Variants in RUNX1 observed in about 807,000 individuals in gnomAD.
RUNX1 encodes runt-related transcription factor 1.
RUNX1 carries 19 observed loss-of-function variants against 42.8 expected under a neutral mutation model. The ratio of observed to expected loss-of-function variants is 0.44; its 90% CI spans 0.31 to 0.65. The LOEUF is 0.65. Ranked by LOEUF, RUNX1 falls within the 30% of genes least tolerant of loss-of-function variation. The probability of loss-of-function intolerance (pLI) is 0.07; values close to 1 mark genes in which losing one functional copy is unlikely to be tolerated. For missense variants in RUNX1, 528 were observed against 672.0 expected, an observed-to-expected ratio of 0.79 and a Z score of 2.37; for synonymous variants, 271 against 289.4, an observed-to-expected ratio of 0.94 and a Z score of 0.64.
At chr21:34,848,591 T>C (rs979600370) in intron 6 of RUNX1, among the ~76,000 whole-genome samples, 7 of 152,110 alleles carry the variant, frequency 4.6e-5, no homozygotes, top group African/African-American at 1.7e-4. Flanking sequence ...CCTGCCACCA[T>C]GCCCGGCTAA....
chr21:34,987,567 G>A (rs1357433660), intron 2 of RUNX1, among the ~76,000 whole-genome samples: 5 of 152,144 alleles, frequency 3.3e-5, no homozygotes, highest in Admixed American at 1.3e-4. Context: ...TCCTTTTCAC[G>A]CAGGCATGAG....
chr21:34,936,863 T>C (rs1487349911), intron 2 of RUNX1, among the ~76,000 whole-genome samples: 3 of 152,196 alleles, frequency 2.0e-5, no homozygotes, highest in East Asian at 1.9e-4. Flanking sequence ...AGAATTCTTT[T>C]TTTTTCTTCC....
chr21:34,893,059 A>G (rs1466777897), intron 2 of RUNX1, 96 bp from the exon 3 acceptor site: 8 of 733,550 alleles, frequency 1.1e-5, no homozygotes, highest in East Asian at 2.6e-5. Context: ...TTCTTCTTAC[A>G]CTTTTTAGCA....
Position 35,046,007 on chromosome 21 carries a change from C to T in RUNX1, c.58+2835G>A, listed in dbSNP as rs537034321. Among the ~76,000 whole-genome samples, 5 of 152,300 alleles carry T rather than the reference C, an allele frequency of 3.3e-5. No individual in the cohort carries two copies. In the South Asian group the frequency reaches 6.2e-4, roughly 19 times the overall value. ...CTGAGCCATTTTGCAAAAATATGTA[C>T]GTGCCGAGGCTTTTCCTCCCCACAC... On this transcript the variant is annotated intron_variant, in intron 2 of 8. Transcript: ENST00000675419.
intron 2 of RUNX1, among the ~76,000 whole-genome samples, chr21:35,006,094 A>G (rs1215173184): frequency 6.6e-6 from 1 of 152,202 alleles, no homozygotes; most frequent in East Asian, 1.9e-4. Flanking sequence ...AGGCAGACAA[A>G]AAGTCTCATC....
intron 2 of RUNX1, among the ~76,000 whole-genome samples, chr21:34,894,921 ACAC>A (rs2058117290): frequency 7.1e-6 from 1 of 141,088 alleles, no homozygotes; most frequent in African/African-American, 3.1e-5. Flanking sequence ...ACACACACAC[ACAC>A]ACACATATTC....
rs1375130920 is a variant in RUNX1 at position 34,907,479 on chromosome 21, T to C, written c.59-14516A>G. On this transcript the variant is annotated intron_variant, in intron 2 of 8. Coordinates refer to ENST00000675419, the MANE Select transcript of RUNX1 (RefSeq NM_001754.5). The surrounding 1 kb of genome is among the most constrained non-coding windows in gnomAD (Gnocchi z 5.3). ...CTTTTTTTGATTGATGTATCTCCCC[T>C]GAGCCCTGGCATACTATTTACTTCT... is the stretch of plus-strand genomic sequence containing the variant. Among the ~76,000 whole-genome samples, 1 of 152,202 alleles carries C rather than the reference T, an allele frequency of 6.6e-6. No homozygotes were observed. Among genetic ancestry groups the C allele is most frequent in the Non-Finnish European group, 1.5e-5 (1 of 68,040 alleles).
At chr21:34,879,081 G>A (rs1181506059) in intron 5 of RUNX1, among the ~76,000 whole-genome samples, 1 of 152,138 alleles carries the variant, frequency 6.6e-6, no homozygotes, top group Non-Finnish European at 1.5e-5. Context: ...AGGCTGTGGG[G>A]CCTTTGTTTT....
At chr21:34,937,811 G>A (rs2058497712) in intron 2 of RUNX1, among the ~76,000 whole-genome samples, 1 of 152,116 alleles carries the variant, frequency 6.6e-6, no homozygotes, top group Admixed American at 6.5e-5. Flanking sequence ...CCTTTCCGGA[G>A]ATTTTCAACA....
At chr21:35,048,455 T>C (rs1257164649) in intron 2 of RUNX1, among the ~76,000 whole-genome samples, 1 of 152,186 alleles carries the variant, frequency 6.6e-6, no homozygotes, top group Non-Finnish European at 1.5e-5. Context: ...CCACACAGCA[T>C]GCCGAGTTAA....
At chr21:34,812,351 G>C (rs553358539) in intron 7 of RUNX1, among the ~76,000 whole-genome samples, 2 of 152,340 alleles carry the variant, frequency 1.3e-5, no homozygotes, top group East Asian at 1.9e-4. Context: ...AATTGGGATT[G>C]CAGTGGGTTA....
At chr21:35,047,950 C>T (rs551644866) in intron 2 of RUNX1, among the ~76,000 whole-genome samples, 1 of 152,244 alleles carries the variant, frequency 6.6e-6, no homozygotes, top group South Asian at 2.1e-4. Flanking sequence ...GAAAGATACA[C>T]AAGACGCACA....
At chr21:34,882,079 T>C (rs932803460) in intron 4 of RUNX1, among the ~76,000 whole-genome samples, 2 of 152,236 alleles carry the variant, frequency 1.3e-5, no homozygotes, top group African/African-American at 4.8e-5. Context: ...CACTCCTTCC[T>C]CTGCCTCCTA....
At chr21:34,955,985 A>T (rs1204045839) in intron 2 of RUNX1, among the ~76,000 whole-genome samples, 1 of 152,218 alleles carries the variant, frequency 6.6e-6, no homozygotes, top group Non-Finnish European at 1.5e-5. Flanking sequence ...TTCCTCATGC[A>T]TATGCAAGCA....
chr21:34,978,332 G>A (rs574768637), intron 2 of RUNX1, among the ~76,000 whole-genome samples: 18 of 152,204 alleles, frequency 1.2e-4, no homozygotes, highest in African/African-American at 3.8e-4. Flanking sequence ...CTCATTCTAC[G>A]TTAGTTTTCT....
intron 3 of RUNX1, chr21:34,888,492 G>A: frequency 9.4e-7 from 1 of 1,065,946 alleles, no homozygotes. Flanking sequence ...TCAAAAGGAA[G>A]AAAGGGGAAA....
rs1022010387 is a variant in RUNX1 at position 34,861,927 on chromosome 21, GA to G, written c.509-2350del. On this transcript the variant is annotated intron_variant, in intron 5 of 8. Coordinates refer to ENST00000675419, the MANE Select transcript of RUNX1 (RefSeq NM_001754.5). ...GCGGCTGTGTAGACCTAGTCTCCCA[GA>G]AGGTGGGGACCCTTTTCTATATACC... is the stretch of plus-strand genomic sequence containing the variant. Among the ~76,000 whole-genome samples, 10 of 152,150 alleles carry G rather than the reference GA, an allele frequency of 6.6e-5. No homozygotes were observed. In the East Asian group the frequency reaches 1.9e-3, roughly 29 times the overall value.
At chr21:34,959,257 C>T (rs947072846) in intron 2 of RUNX1, among the ~76,000 whole-genome samples, 2 of 151,884 alleles carry the variant, frequency 1.3e-5, no homozygotes, top group African/African-American at 4.8e-5. Flanking sequence ...AGCTACAGGT[C>T]TCCAGTGGTA....
rs1413746315 is a variant in RUNX1, at chr21:34,799,363, A to G, written c.905T>C (p.Ile302Thr). 6.2e-7 allele frequency: 1 copy of G among 1,614,192 alleles called. No homozygotes were observed. The highest frequency in any genetic ancestry group is 2.2e-5 in the East Asian group (1 of 44,884). Reference sequence around the variant, plus strand: ...CATGCCGCTGGCACGTCCAGGTGAAATGGGCGTTGCTGGGTGCACAGAAGG... The same window carrying G: ...CATGCCGCTGGCACGTCCAGGTGAAGTGGGCGTTGCTGGGTGCACAGAAGG... The part of the protein sequence containing the change: ...ASPSVHPATP[I>T]SPGRASGMTT... Residue 302 changes from isoleucine (I) to threonine (T), a missense_variant, in exon 8 of 9, where the codon ATT becomes ACT. Ile to Thr is a moderately conservative substitution (Grantham distance 89). Around this residue, in one of 3 missense-constraint regions of RUNX1, gnomAD observed 331 missense variants for 382.5 expected, o/e 0.87. Coordinates refer to ENST00000675419, the MANE Select transcript of RUNX1 (RefSeq NM_001754.5).
Sources: gnomAD v4.1 joint callset for allele counts (sites outside exome capture counted in the v4.1 genomes callset) on GRCh38, gnomAD v4.1.1 for gene constraint, gnomAD v4.1.1 regional missense constraint, Gnocchi (gnomAD v3.1) non-coding constraint, MANE v1.5 for transcripts, NCBI Gene and HGNC (gene_info 2026-07-23, HGNC 2026-07-21) for gene names.